Variants in DMXL1 observed in about 807,000 individuals in gnomAD.
DMXL1 encodes the protein Dmx like 1, also known as dmX-like protein 1.
A neutral mutation model predicts 319.2 loss-of-function variants in DMXL1; 99 were observed. That is an observed-to-expected ratio of 0.31 (90% confidence interval 0.26 to 0.37). The LOEUF is 0.37. Among genes scored for constraint, DMXL1 ranks in the 10% least tolerant of loss-of-function variants. DMXL1 has a pLI of 1.00. For synonymous variants in DMXL1, 1,385 were observed against 1,235.2 expected (o/e 1.12, Z -2.54); for missense variants, 3,745 against 3,595.6 (o/e 1.04, Z -1.06).
At chr5:119,183,386 C>A (rs767651205) in intron 28 of DMXL1, among the ~76,000 whole-genome samples, 25 of 152,124 alleles carry the variant, frequency 1.6e-4, no homozygotes, top group Non-Finnish European at 3.4e-4. Context: ...ATTGAATATG[C>A]CAAACATTTA....
At chr5:119,224,200 T>G (rs1044895364) in intron 37 of DMXL1, among the ~76,000 whole-genome samples, 1 of 152,106 alleles carries the variant, frequency 6.6e-6, no homozygotes, top group African/African-American at 2.4e-5. Flanking sequence ...ATATTTGTAG[T>G]TATGATGCTA....
chr5:119,225,742 T>C (rs1785427895), intron 38 of DMXL1, among the ~76,000 whole-genome samples: 1 of 152,162 alleles, frequency 6.6e-6, no homozygotes, highest in Non-Finnish European at 1.5e-5. Context: ...ATAACATCTG[T>C]TACTTATGCT....
chr5:119,145,494 A>G (rs1448882005), intron 15 of DMXL1, among the ~76,000 whole-genome samples: 3 of 151,772 alleles, frequency 2.0e-5, no homozygotes, highest in African/African-American at 7.2e-5. Context: ...AAAAATGGGG[A>G]TTAAAGATAT....
At chr5:119,174,542 T>G (rs1160388576) in intron 25 of DMXL1, among the ~76,000 whole-genome samples, 1 of 152,268 alleles carries the variant, frequency 6.6e-6, no homozygotes, top group Non-Finnish European at 1.5e-5. Context: ...GCAATTAGAT[T>G]TGATCTGTCA....
chr5:119,178,950 TAAAACAC>T (rs1309038625), intron 28 of DMXL1, among the ~76,000 whole-genome samples: 2 of 152,170 alleles, frequency 1.3e-5, no homozygotes, highest in Non-Finnish European at 2.9e-5. Flanking sequence ...TGTGTAAAAA[TAAAACAC>T]TGTCAGTGCT....
intron 43 of DMXL1, among the ~76,000 whole-genome samples, chr5:119,245,043 T>G (rs1227412987): frequency 2.0e-5 from 3 of 152,204 alleles, no homozygotes; most frequent in East Asian, 3.8e-4. Flanking sequence ...TGTTGAAAAC[T>G]TAAGACAGGT....
chr5:119,093,062 T>C (rs977289002), intron 1 of DMXL1, among the ~76,000 whole-genome samples: 2 of 152,234 alleles, frequency 1.3e-5, no homozygotes, highest in Admixed American at 6.5e-5. Flanking sequence ...TTATGATTTT[T>C]ACAAATTGAA....
At chr5:119,223,796 AAAGC>A (rs1785060316) in intron 37 of DMXL1, among the ~76,000 whole-genome samples, 1 of 152,188 alleles carries the variant, frequency 6.6e-6, no homozygotes, top group South Asian at 2.1e-4. Context: ...AAAGAAGACA[AAAGC>A]AAGAATAGGA....
chr5:119,138,224 A>G lies in DMXL1; in HGVS notation c.2376+3835A>G, dbSNP rs115098265. On this transcript the variant is annotated intron_variant, in intron 13 of 43. Coordinates refer to ENST00000539542, the MANE Select transcript of DMXL1 (RefSeq NM_001290321.3). The stretch of plus-strand genomic sequence containing the variant: ...ATGTTGTTTAGAACATTGAATAGCT[A>G]TGAATGGACTGGATGCGGTATGTGT... Among the ~76,000 whole-genome samples the G allele has an allele frequency of 7.0e-3, 1,064 of 152,328 alleles. 16 individuals carry two copies. Among genetic ancestry groups the G allele is most frequent in the African/African-American group, 0.024 (1,004 of 41,568 alleles).
chr5:119,170,737 A>G lies in DMXL1; in HGVS notation c.5946A>G (p.Ser1982=). 6.2e-7 allele frequency: 1 copy of G among 1,612,982 alleles called. No individual in the cohort carries two copies. ...AAGAAAATGAGGATGTCCCTATTTC[A>G]ATGAAAGAACTAAAACCTTTACAGA... ...NDEENEDVPI[S]MKELKPLQRK... is the part of the protein sequence containing the mutation. Residue 1982 remains serine, a synonymous_variant, in exon 24 of 44, where the codon TCA becomes TCG. Transcript: ENST00000539542.
Position 119,149,447 on chromosome 5 carries a change from C to T in DMXL1, c.3620C>T (p.Ser1207Phe), listed in dbSNP as rs749715197. The change falls in exon 18 of 44, where the codon TCT (serine) becomes TTT (phenylalanine). Residue 1207 changes from serine to phenylalanine, a missense_variant. Ser to Phe is a radical substitution (Grantham distance 155, BLOSUM62 -2). Coordinates refer to ENST00000539542, the MANE Select transcript of DMXL1 (RefSeq NM_001290321.3). ...FVLLRSVDLV[S>F]SVDGSPPFPV... is the part of the protein sequence containing the mutation. ...CTATTACGAAGTGTGGACCTAGTTTCTTCTGTAGATGGCTCCCCACCTTTT... is the reference window on the plus strand; with the variant it reads ...CTATTACGAAGTGTGGACCTAGTTTTTTCTGTAGATGGCTCCCCACCTTTT... The T allele has an allele frequency of 3.7e-6, 6 of 1,613,824 alleles. No homozygotes were observed. The East Asian group carries it at 6.7e-5, about 18-fold the overall frequency.
intron 43 of DMXL1, among the ~76,000 whole-genome samples, chr5:119,246,510 A>C (rs941458820): frequency 6.6e-6 from 1 of 152,152 alleles, no homozygotes; most frequent in Non-Finnish European, 1.5e-5. Context: ...ACAACACTCT[A>C]TACAGAATCA....
At chr5:119,089,300 T>TATATGCA (rs1561549916) in intron 1 of DMXL1, among the ~76,000 whole-genome samples, 1 of 61,512 alleles carries the variant, frequency 1.6e-5, no homozygotes, top group South Asian at 7.8e-4. Context: ...ATATTTTTTT[T>TATATGCA]TTTTTTTTTT....
chr5:119,231,695 C>T (rs1393906570), intron 38 of DMXL1, among the ~76,000 whole-genome samples: 2 of 152,200 alleles, frequency 1.3e-5, no homozygotes, highest in African/African-American at 2.4e-5. Context: ...GCCATTAAGG[C>T]TTCACCGAGG....
At chr5:119,147,055 T>G in intron 16 of DMXL1, 99 bp downstream of exon 16, 1 of 1,370,078 alleles carries the variant, frequency 7.3e-7, no homozygotes, top group Non-Finnish European at 1.0e-6. Flanking sequence ...AAAGCCATTC[T>G]CATTAAATGG....
intron 38 of DMXL1, among the ~76,000 whole-genome samples, chr5:119,228,155 T>C (rs915678856): frequency 6.6e-6 from 1 of 152,198 alleles, no homozygotes; most frequent in African/African-American, 2.4e-5. Context: ...ATTTATAAGT[T>C]TTTTCCCTTA....
chr5:119,160,183 C>T (rs1581086568), intron 19 of DMXL1, among the ~76,000 whole-genome samples: 1 of 151,982 alleles, frequency 6.6e-6, no homozygotes, highest in Non-Finnish European at 1.5e-5. Context: ...CTGTAATTTT[C>T]TCTCTTAGAA....
chr5:119,232,493 G>T (rs1042103557), intron 38 of DMXL1, among the ~76,000 whole-genome samples: 3 of 151,806 alleles, frequency 2.0e-5, no homozygotes, highest in Non-Finnish European at 4.4e-5. Flanking sequence ...TATATGTTAG[G>T]CATATTTCTG....
chr5:119,086,700 TTTATTA>T (rs1753449823), intron 1 of DMXL1, among the ~76,000 whole-genome samples: 1 of 152,206 alleles, frequency 6.6e-6, no homozygotes, highest in Admixed American at 6.5e-5. Flanking sequence ...TAAAATACTT[TTTATTA>T]TGGCTTCCAT....
Sources: allele counts gnomAD v4.1 joint callset (sites outside exome capture counted in the v4.1 genomes callset), GRCh38; gene constraint gnomAD v4.1.1; transcripts MANE v1.5; gene names NCBI Gene and HGNC (gene_info 2026-07-23, HGNC 2026-07-21).